RARB: variants seen among roughly 807,000 people sequenced by gnomAD.
RARB encodes the protein HBV-activated protein.
RARB carries 17 observed loss-of-function variants against 51.9 expected under a neutral mutation model. The observed-to-expected ratio is 0.33, with a 90% CI of 0.22 to 0.49. RARB has a LOEUF of 0.49. Among genes scored for constraint, RARB ranks in the 20% least tolerant of loss-of-function variants. The pLI is 0.99. For synonymous variants in RARB, 215 were observed against 195.4 expected (o/e 1.10, Z -0.84); for missense variants, 369 against 550.8 (o/e 0.67, Z 3.30).
At chr3:25,551,977 T>G (rs566097120) in intron 3 of RARB, among the ~76,000 whole-genome samples, 23 of 152,290 alleles carry the variant, frequency 1.5e-4, no homozygotes, top group Non-Finnish European at 2.9e-4. Flanking sequence ...TAACCATGTT[T>G]CATAGTTCTT....
At chr3:25,136,859 A>G (rs1310083022) in intron 4 of RARB, among the ~76,000 whole-genome samples, 1 of 152,054 alleles carries the variant, frequency 6.6e-6, no homozygotes, top group South Asian at 2.1e-4. Context: ...TCCATAGCAG[A>G]TCATTCACTA....
At position 25,553,205 on chromosome 3, in the gene RARB, T is replaced by G. The variant is rs138046240; in HGVS notation, c.449-16553T>G. ...GTAAATAAAACACAACTATATTGAT[T>G]GCTACCTACAGACTTTTCTGGCTAC... is the stretch of plus-strand genomic sequence containing the variant. On this transcript the variant is annotated intron_variant, in intron 3 of 7. Transcript: ENST00000330688. Among the ~76,000 whole-genome samples, 634 of 152,078 alleles carry G rather than the reference T, an allele frequency of 4.2e-3. 1 individual carries two copies. The highest frequency in any genetic ancestry group is 0.014 in the African/African-American group (601 of 41,478).
chr3:25,362,834 AGG>A (rs1705991085), intron 5 of RARB, among the ~76,000 whole-genome samples: 2 of 152,156 alleles, frequency 1.3e-5, no homozygotes, highest in African/African-American at 4.8e-5. Context: ...GAGATGAACC[AGG>A]TACCTCAGTT....
chr3:25,076,448 G>T lies in RARB; in HGVS notation c.-328+16272G>T, dbSNP rs181446092. Among the ~76,000 whole-genome samples, 152 of 152,308 alleles carry T rather than the reference G, an allele frequency of 1.0e-3. No homozygotes were observed. The Middle Eastern group carries it at 0.01, about 10-fold the overall frequency. ...GGAACATTATATATGCTTTGTACAT[G>T]TAATGGCAGTTACTAGAAATCTGTG... On this transcript the variant is annotated intron_variant, in intron 3 of 11. Coordinates refer to the RARB transcript ENST00000383772.
intron 5 of RARB, among the ~76,000 whole-genome samples, chr3:25,369,448 T>C (rs187950814): frequency 6.6e-6 from 1 of 152,206 alleles, no homozygotes; most frequent in Non-Finnish European, 1.5e-5. Context: ...AGCAGCTAGA[T>C]TCTGTGGATA....
At chr3:24,909,225 G>A (rs1694938111) in intron 2 of RARB, among the ~76,000 whole-genome samples, 3 of 152,160 alleles carry the variant, frequency 2.0e-5, no homozygotes, top group Admixed American at 2.0e-4. Context: ...TTACTTGCCT[G>A]TCTTTGTTCT....
rs150607799 is a variant in RARB at position 25,550,921 on chromosome 3, G to A, written c.449-18837G>A. On this transcript the variant is annotated intron_variant, in intron 3 of 7. Coordinates refer to ENST00000330688, the MANE Select transcript of RARB (RefSeq NM_000965.5). The stretch of plus-strand genomic sequence containing the variant: ...ATGTCCCTGCAAAGGACATGATCTC[G>A]TTCCTTTTTACGACTGCATAGTATT... Among the ~76,000 whole-genome samples the A allele has an allele frequency of 6.7e-3, 1,022 of 152,238 alleles. 9 individuals are homozygous for A. Among genetic ancestry groups the A allele is most frequent in the African/African-American group, 0.023 (958 of 41,544 alleles).
At chr3:25,115,463 GA>G (rs1388197275) in intron 3 of RARB, among the ~76,000 whole-genome samples, 1 of 152,114 alleles carries the variant, frequency 6.6e-6, no homozygotes, top group Non-Finnish European at 1.5e-5. Context: ...ATGGCTACTT[GA>G]TTAGGCTGAA....
At chr3:25,201,759 C>G (rs56299415) in intron 5 of RARB, among the ~76,000 whole-genome samples, 12,034 of 152,226 alleles carry the variant, frequency 0.079, 641 homozygotes, top group Non-Finnish European at 0.12. Context: ...GTTGAACCAG[C>G]CTTGCATCCC....
At chr3:25,170,605 C>T (rs1046050310) in intron 4 of RARB, among the ~76,000 whole-genome samples, 7 of 152,058 alleles carry the variant, frequency 4.6e-5, no homozygotes, top group African/African-American at 7.2e-5. Flanking sequence ...TTTGAATTGT[C>T]GAGAAGTATA....
At chr3:25,038,081 G>A (rs779031347) in intron 2 of RARB, among the ~76,000 whole-genome samples, 1 of 152,124 alleles carries the variant, frequency 6.6e-6, no homozygotes, top group African/African-American at 2.4e-5. Flanking sequence ...GCTATTAACT[G>A]TCATGCCCAC....
rs533098016 is a variant in RARB, at chr3:25,272,109, A to G, written c.178+97534A>G. Among the ~76,000 whole-genome samples the G allele has an allele frequency of 9.8e-5, 15 of 152,370 alleles. No homozygotes were observed. In the South Asian group the frequency reaches 2.5e-3, roughly 25 times the overall value. ...CAGCAGCCATGTGCTAGTGGTAACC[A>G]TATTAGAAAGTATAGATATAAAACA... On this transcript the variant is annotated intron_variant, in intron 5 of 11. Transcript: ENST00000383772.
At chr3:25,251,943 C>T (rs1475435482) in intron 5 of RARB, among the ~76,000 whole-genome samples, 1 of 151,948 alleles carries the variant, frequency 6.6e-6, no homozygotes, top group African/African-American at 2.4e-5. Flanking sequence ...AACCAAAAGT[C>T]ACAGAAATTT....
At chr3:25,343,582 T>A (rs751581715) in intron 5 of RARB, among the ~76,000 whole-genome samples, 1 of 152,188 alleles carries the variant, frequency 6.6e-6, no homozygotes, top group Non-Finnish European at 1.5e-5. Context: ...CCCAAATTTA[T>A]GTTCCACAGA....
chr3:24,847,797 CAG>C lies in RARB; in HGVS notation c.-458-10874_-458-10873del, dbSNP rs1458179851. Among the ~76,000 whole-genome samples, 4 of 152,322 alleles carry C rather than the reference CAG, an allele frequency of 2.6e-5. No individual in the cohort carries two copies. The South Asian group carries it at 8.3e-4, about 32-fold the overall frequency. On this transcript the variant is annotated intron_variant, in intron 1 of 11. Coordinates refer to the RARB transcript ENST00000383772. ...ATTCAGTACTTCTAGGTTGGAGCTG[CAG>C]AGTCTGCATTTTCAACAAATACCCA...
chr3:24,957,665 A>T (rs1038469810), intron 2 of RARB, among the ~76,000 whole-genome samples: 1 of 152,234 alleles, frequency 6.6e-6, no homozygotes, highest in Non-Finnish European at 1.5e-5. Context: ...GGTTTCAAGC[A>T]AAGTTCTTTG....
intron 1 of RARB, among the ~76,000 whole-genome samples, chr3:25,436,050 G>C (rs2125522119): frequency 6.6e-6 from 1 of 152,228 alleles, no homozygotes; most frequent in South Asian, 2.1e-4. Flanking sequence ...AACTCATTTT[G>C]ATCACTTTTA....
At chr3:25,505,757 T>C (rs1455964185) in intron 3 of RARB, among the ~76,000 whole-genome samples, 3 of 152,152 alleles carry the variant, frequency 2.0e-5, no homozygotes, top group African/African-American at 7.2e-5. Context: ...GGAAGCAAAC[T>C]GACTCGAATG....
chr3:24,904,516 A>G (rs937522758), intron 2 of RARB, among the ~76,000 whole-genome samples: 4 of 152,188 alleles, frequency 2.6e-5, no homozygotes, highest in Non-Finnish European at 5.9e-5. Context: ...GAAACAATGG[A>G]TGCTGGAGAG....
Sources: allele counts gnomAD v4.1 joint callset (sites outside exome capture counted in the v4.1 genomes callset), GRCh38; gene constraint gnomAD v4.1.1; transcripts MANE v1.5; gene names NCBI Gene and HGNC (gene_info 2026-07-23, HGNC 2026-07-21).